The following LHFPL3 variants were observed in gnomAD, a reference collection of about 807,000 sequenced individuals.
LHFPL3 encodes the protein LHFPL tetraspan subfamily member 3.
Under a neutral mutation model 19.3 loss-of-function variants are expected in LHFPL3, and 5 were observed. The ratio of observed to expected loss-of-function variants is 0.26; its 90% CI spans 0.14 to 0.54. LHFPL3 has a LOEUF of 0.54. Among genes scored for constraint, LHFPL3 ranks in the 20% least tolerant of loss-of-function variants. The pLI is 0.94. For missense variants in LHFPL3, 249 were observed against 307.4 expected (o/e 0.81, Z 1.42); for synonymous variants, 133 against 126.2 (o/e 1.05, Z -0.36).
chr7:104,663,793 T>A (rs950458491), intron 1 of LHFPL3, among the ~76,000 whole-genome samples: 2 of 152,216 alleles, frequency 1.3e-5, no homozygotes, highest in Non-Finnish European at 2.9e-5. Context: ...ATCCTATGAT[T>A]CTAGAATTGA....
intron 1 of LHFPL3, among the ~76,000 whole-genome samples, chr7:104,598,305 C>G (rs985750501): frequency 6.6e-6 from 1 of 152,144 alleles, no homozygotes; most frequent in African/African-American, 2.4e-5. Context: ...TCAAGGGGCA[C>G]CAAAACTATT....
chr7:104,665,898 A>T (rs1292387149), intron 1 of LHFPL3, among the ~76,000 whole-genome samples: 1 of 152,034 alleles, frequency 6.6e-6, no homozygotes, highest in South Asian at 2.1e-4. Flanking sequence ...CCTGCTGCTC[A>T]TCTCTTCTGT....
At chr7:104,450,698 T>G (rs1792418332) in intron 1 of LHFPL3, among the ~76,000 whole-genome samples, 1 of 151,978 alleles carries the variant, frequency 6.6e-6, no homozygotes, top group African/African-American at 2.4e-5. Flanking sequence ...CTTCTGCACA[T>G]GTACCCCAGA....
chr7:104,565,257 G>T (rs1790096893), intron 1 of LHFPL3, among the ~76,000 whole-genome samples: 1 of 152,114 alleles, frequency 6.6e-6, no homozygotes, highest in Admixed American at 6.6e-5. Context: ...GTGGCTCCTA[G>T]ATATTTTGAA....
chr7:104,765,155 A>C (rs1269539363), intron 2 of LHFPL3, among the ~76,000 whole-genome samples: 1 of 152,234 alleles, frequency 6.6e-6, no homozygotes, highest in Non-Finnish European at 1.5e-5. Flanking sequence ...GGACTCTTAC[A>C]TTCTGATAAA....
intron 2 of LHFPL3, among the ~76,000 whole-genome samples, chr7:104,790,260 A>C (rs537874367): frequency 2.0e-5 from 3 of 152,264 alleles, no homozygotes; most frequent in Admixed American, 6.5e-5. Flanking sequence ...AATTTTCCCC[A>C]AAAATTCCAA....
At chr7:104,705,732 T>C (rs1001074554) in intron 1 of LHFPL3, among the ~76,000 whole-genome samples, 14 of 152,166 alleles carry the variant, frequency 9.2e-5, no homozygotes, top group African/African-American at 3.4e-4. Context: ...TGATAAGGAA[T>C]TGAGCTGTCA....
intron 1 of LHFPL3, among the ~76,000 whole-genome samples, chr7:104,398,674 C>T (rs1324202927): frequency 6.6e-6 from 1 of 152,136 alleles, no homozygotes; most frequent in Non-Finnish European, 1.5e-5. Context: ...ATCTTCCAGC[C>T]ATTAGCAAGA....
intron 1 of LHFPL3, among the ~76,000 whole-genome samples, chr7:104,404,233 C>G (rs1385461410): frequency 6.6e-6 from 1 of 152,130 alleles, no homozygotes; most frequent in Non-Finnish European, 1.5e-5. Context: ...AATGAGACCA[C>G]TTAGTTAATT....
At chr7:104,604,000 C>T (rs564333232) in intron 1 of LHFPL3, among the ~76,000 whole-genome samples, 2 of 152,274 alleles carry the variant, frequency 1.3e-5, no homozygotes, top group African/African-American at 4.8e-5. Flanking sequence ...CTACAGTTCT[C>T]GTGTCTAAGG....
chr7:104,450,132 T>C (rs1792405371), intron 1 of LHFPL3, among the ~76,000 whole-genome samples: 1 of 152,220 alleles, frequency 6.6e-6, no homozygotes, highest in African/African-American at 2.4e-5. Flanking sequence ...TGAGTTTTCC[T>C]GAGGACTCTT....
At chr7:104,417,158 G>A (rs186512985) in intron 1 of LHFPL3, among the ~76,000 whole-genome samples, 234 of 152,226 alleles carry the variant, frequency 1.5e-3, no homozygotes, top group Non-Finnish European at 2.7e-3. Context: ...ATTTCTATTG[G>A]CATTTAGAGT....
intron 2 of LHFPL3, among the ~76,000 whole-genome samples, chr7:104,835,344 T>C (rs1401284148): frequency 6.6e-6 from 1 of 151,950 alleles, no homozygotes; most frequent in African/African-American, 2.4e-5. Context: ...TTGTTCTTCA[T>C]GGAGCCCTAC....
chr7:104,690,998 T>C (rs1283156369), intron 1 of LHFPL3, among the ~76,000 whole-genome samples: 2 of 152,206 alleles, frequency 1.3e-5, no homozygotes, highest in African/African-American at 4.8e-5. Context: ...AGCGGAGGCC[T>C]CTAGGATTTT....
At chr7:104,773,402 G>A (rs12540497) in intron 2 of LHFPL3, among the ~76,000 whole-genome samples, 57,494 of 152,112 alleles carry the variant, frequency 0.38, 10,983 homozygotes, top group East Asian at 0.47. Flanking sequence ...GAGTGTTAGC[G>A]TGAGGCCCTG....
At chr7:104,672,824 T>C (rs1360841504) in intron 1 of LHFPL3, among the ~76,000 whole-genome samples, 3 of 152,190 alleles carry the variant, frequency 2.0e-5, no homozygotes, top group Non-Finnish European at 4.4e-5. Context: ...CCCGCCATTT[T>C]GGTCGATCCC....
intron 1 of LHFPL3, among the ~76,000 whole-genome samples, chr7:104,561,687 A>C (rs1406207040): frequency 6.6e-6 from 1 of 151,910 alleles, no homozygotes; most frequent in Non-Finnish European, 1.5e-5. Context: ...TTTACATTTA[A>C]AGTTAATATT....
intron 1 of LHFPL3, among the ~76,000 whole-genome samples, chr7:104,346,788 T>C (rs1186596118): frequency 1.3e-5 from 2 of 151,902 alleles, no homozygotes. Flanking sequence ...ATTGCATTCC[T>C]TTTATGTGTA....
chr7:104,874,758 C>T (rs1161586622), intron 2 of LHFPL3, among the ~76,000 whole-genome samples: 1 of 151,980 alleles, frequency 6.6e-6, no homozygotes, highest in Non-Finnish European at 1.5e-5. Flanking sequence ...TTTCAAGAGG[C>T]CCTCAGAGTC....
Sources: allele counts gnomAD v4.1 joint callset (sites outside exome capture counted in the v4.1 genomes callset), GRCh38; gene constraint gnomAD v4.1.1; transcripts MANE v1.5; gene names NCBI Gene and HGNC (gene_info 2026-07-23, HGNC 2026-07-21).